WWC1: variants seen among roughly 807,000 people sequenced by gnomAD.
The protein encoded by WWC1 is protein KIBRA.
In WWC1, 55 loss-of-function variants were observed where a neutral mutation model predicts 138.4. That is an observed-to-expected ratio of 0.40 (90% CI 0.32 to 0.50). The LOEUF (loss-of-function observed/expected upper bound fraction) is 0.50. Among genes scored for constraint, WWC1 ranks in the 20% least tolerant of loss-of-function variants. The pLI, the probability that WWC1 is intolerant of heterozygous loss-of-function variation, is 0.72. For missense variants in WWC1, 1,226 were observed against 1,420.4 expected (o/e 0.86, Z 2.20); for synonymous variants, 524 against 564.9 (o/e 0.93, Z 1.03).
At chr5:168,347,691 C>G (rs767570304) in intron 1 of WWC1, among the ~76,000 whole-genome samples, 1 of 152,248 alleles carries the variant, frequency 6.6e-6, no homozygotes, top group South Asian at 2.1e-4. Flanking sequence ...ATGTGATGAT[C>G]TATTTCATTT....
At chr5:168,465,940 A>T (rs1329554264) in intron 21 of WWC1, among the ~76,000 whole-genome samples, 1 of 152,118 alleles carries the variant, frequency 6.6e-6, no homozygotes, top group Non-Finnish European at 1.5e-5. Context: ...GCTACTGCCC[A>T]GTGTGGAGGA....
rs1403770104 is a variant in WWC1, at chr5:168,425,842, A to G, written c.1810+1774A>G. Reference sequence around the variant, plus strand: ...AAGATGAAAAAAGTGAGGCACAGTGAGGTTAAAAGACTTGTCTGAGGTTAG... The same window carrying G: ...AAGATGAAAAAAGTGAGGCACAGTGGGGTTAAAAGACTTGTCTGAGGTTAG... On this transcript the variant is annotated intron_variant, in intron 11 of 22. Transcript: ENST00000265293. 2.6e-5 allele frequency among the ~76,000 whole-genome samples: 4 copies of G among 152,074 alleles called. 1 individual carries two copies. Among genetic ancestry groups the G allele is most frequent in the Admixed American group, 2.0e-4 (3 of 15,272 alleles).
Position 168,292,127 on chromosome 5 carries a change from G to C in WWC1, c.-26G>C, listed in dbSNP as rs1443370784. 3 of 1,531,326 alleles carry C rather than the reference G, an allele frequency of 2.0e-6. No individual in the cohort carries two copies. Among genetic ancestry groups the C allele is most frequent in the African/African-American group, 1.4e-5 (1 of 70,828 alleles). The allele number at this position is 1,531,326 out of a possible 1,614,324, so 94.9% of individuals were successfully genotyped here. ...CCCCGCTGCGGCCGGGAGCTGCATG[G>C]GGGAGCGCCGGCAGCGCTTGGGAAG... is the stretch of plus-strand genomic sequence containing the variant. On this transcript the variant is annotated 5_prime_UTR_variant, in exon 1 of 23. Transcript: ENST00000265293. This position sits in a 1 kb window ranked among gnomAD's most constrained non-coding sequence, Gnocchi z 4.4.
intron 21 of WWC1, among the ~76,000 whole-genome samples, chr5:168,465,576 T>TTG (rs1554118704): frequency 2.2e-5 from 3 of 136,130 alleles, no homozygotes; most frequent in African/African-American, 5.8e-5. Context: ...TTTTTTTTTT[T>TTG]GGAGATGGGT....
chr5:168,439,437 C>A (rs189886926), intron 15 of WWC1, among the ~76,000 whole-genome samples: 3 of 148,368 alleles, frequency 2.0e-5, no homozygotes, highest in East Asian at 2.0e-4. Flanking sequence ...CCAGCCTGAC[C>A]GACATGGAGA....
chr5:168,357,050 CA>C (rs943040228), intron 1 of WWC1, among the ~76,000 whole-genome samples: 2 of 152,032 alleles, frequency 1.3e-5, no homozygotes, highest in Non-Finnish European at 2.9e-5. Context: ...GTCAAGAATC[CA>C]AAAGCACCTT....
chr5:168,309,373 T>C (rs1770861457), intron 1 of WWC1, among the ~76,000 whole-genome samples: 1 of 146,854 alleles, frequency 6.8e-6, no homozygotes, highest in South Asian at 2.1e-4. Context: ...CTCTGGCCTT[T>C]TTTGCCATTA....
At position 168,441,851 on chromosome 5, in the gene WWC1, T is replaced by G; in HGVS notation, c.2433+17T>G. 6.2e-7 allele frequency: 1 copy of G among 1,609,714 alleles called. No individual in the cohort carries two copies. The highest frequency in any genetic ancestry group is 8.5e-7 in the Non-Finnish European group (1 of 1,177,642). On this transcript the variant is annotated intron_variant, in intron 16 of 22. Coordinates refer to ENST00000265293, the MANE Select transcript of WWC1 (RefSeq NM_015238.3). The stretch of plus-strand genomic sequence containing the variant: ...GCCAGCACGGTGAGCTGGGACCAGG[T>G]GTGCCACCTTCCCACAAGGCCGCAC...
At chr5:168,435,456 G>C (rs1203739125) in intron 15 of WWC1, among the ~76,000 whole-genome samples, 1 of 152,116 alleles carries the variant, frequency 6.6e-6, no homozygotes, top group Non-Finnish European at 1.5e-5. Context: ...TGTTGCCCAG[G>C]CTGGAGTGCA....
Position 168,423,634 on chromosome 5 carries a change from C to T in WWC1, c.1376C>T (p.Ser459Leu). ...LVASSLDSSTSASFTDLYYDP... is the reference protein window; with the variant it reads ...LVASSLDSSTLASFTDLYYDP... ...GCATCCAGCCTGGACTCCTCCACTT[C>T]AGCCAGCTTCACTGACCTCTACTAT... Residue 459 changes from serine (S) to leucine (L), a missense_variant, in exon 11 of 23, where the codon TCA becomes TTA. Physicochemically the swap from Ser to Leu is moderately radical, Grantham distance 145. Transcript: ENST00000265293. 1.2e-6 allele frequency: 2 copies of T among 1,614,168 alleles called. No individual in the cohort carries two copies. Among genetic ancestry groups the T allele is most frequent in the Non-Finnish European group, 1.7e-6 (2 of 1,180,018 alleles).
intron 1 of WWC1, among the ~76,000 whole-genome samples, chr5:168,344,653 G>A (rs1774321732): frequency 6.6e-6 from 1 of 152,242 alleles, no homozygotes; most frequent in South Asian, 2.1e-4. Flanking sequence ...CATCTCTGAA[G>A]CAGGTGCTCT....
intron 17 of WWC1, among the ~76,000 whole-genome samples, chr5:168,452,285 C>A (rs1225480468): frequency 6.6e-6 from 1 of 152,096 alleles, no homozygotes; most frequent in African/African-American, 2.4e-5. Flanking sequence ...GATTTGTGTC[C>A]CCCCAAAATT....
chr5:168,321,518 C>T (rs1772080254), intron 1 of WWC1, among the ~76,000 whole-genome samples: 1 of 151,262 alleles, frequency 6.6e-6, no homozygotes, highest in African/African-American at 2.4e-5. Flanking sequence ...TTTGCCTTCT[C>T]TCATAGGGCA....
intron 1 of WWC1, among the ~76,000 whole-genome samples, chr5:168,356,314 G>A (rs1410256476): frequency 6.6e-6 from 1 of 152,276 alleles, no homozygotes; most frequent in Non-Finnish European, 1.5e-5. Context: ...ATGCCGATGC[G>A]GCCGGAGGCC....
At chr5:168,435,602 G>A (rs1782286372) in intron 15 of WWC1, among the ~76,000 whole-genome samples, 1 of 151,982 alleles carries the variant, frequency 6.6e-6, no homozygotes, top group African/African-American at 2.4e-5. Context: ...GTAGAGATGG[G>A]GTCTCACTAT....
At chr5:168,318,273 A>G (rs1282779756) in intron 1 of WWC1, among the ~76,000 whole-genome samples, 1 of 152,162 alleles carries the variant, frequency 6.6e-6, no homozygotes, top group Non-Finnish European at 1.5e-5. Context: ...TCTGAGATCT[A>G]TTACACAGAT....
intron 2 of WWC1, among the ~76,000 whole-genome samples, chr5:168,380,589 G>A (rs1053921721): frequency 6.6e-6 from 1 of 152,128 alleles, no homozygotes; most frequent in East Asian, 1.9e-4. Flanking sequence ...ATGTAAAATG[G>A]TACAACCAGT....
intron 17 of WWC1, among the ~76,000 whole-genome samples, chr5:168,449,278 G>GA (rs1755578709): frequency 6.6e-6 from 1 of 152,168 alleles, no homozygotes; most frequent in East Asian, 1.9e-4. Context: ...ATTGAGATCA[G>GA]ATTCACAGTC....
At chr5:168,431,590 G>A in intron 15 of WWC1, 146 bp downstream of exon 15, 1 of 905,780 alleles carries the variant, frequency 1.1e-6, no homozygotes, top group South Asian at 2.0e-5. Flanking sequence ...CTATCAATCA[G>A]GCTCATCTTG....
Sources: allele counts gnomAD v4.1 joint callset (sites outside exome capture counted in the v4.1 genomes callset), GRCh38; gene constraint gnomAD v4.1.1; non-coding constraint Gnocchi (gnomAD v3.1); transcripts MANE v1.5; gene names NCBI Gene and HGNC (gene_info 2026-07-23, HGNC 2026-07-21).